The following DMXL1 variants were observed in gnomAD, a reference collection of about 807,000 sequenced individuals.
DMXL1 encodes Dmx like 1.
A neutral mutation model predicts 319.2 loss-of-function variants in DMXL1; 99 were observed. The observed-to-expected ratio is 0.31, with a 90% CI of 0.26 to 0.37. DMXL1 has a LOEUF of 0.37. Among genes scored for constraint, DMXL1 ranks in the 10% least tolerant of loss-of-function variants. The pLI, the probability that DMXL1 is intolerant of heterozygous loss-of-function variation, is 1.00. For missense variants in DMXL1, 3,745 were observed against 3,595.6 expected (o/e 1.04, Z -1.06); for synonymous variants, 1,385 against 1,235.2 (o/e 1.12, Z -2.54).
At chr5:119,142,675 C>G (rs1767665105) in intron 13 of DMXL1, among the ~76,000 whole-genome samples, 1 of 152,050 alleles carries the variant, frequency 6.6e-6, no homozygotes, top group African/African-American at 2.4e-5. Flanking sequence ...ACCCAGCAAT[C>G]CCATTACTGG....
At chr5:119,200,949 C>T (rs2150437608) in intron 32 of DMXL1, among the ~76,000 whole-genome samples, 1 of 152,240 alleles carries the variant, frequency 6.6e-6, no homozygotes, top group South Asian at 2.1e-4. Flanking sequence ...AGTTGTTTAT[C>T]AGATCTAGGA....
chr5:119,124,304 C>T (rs550994524), intron 9 of DMXL1, among the ~76,000 whole-genome samples: 2 of 144,556 alleles, frequency 1.4e-5, no homozygotes, highest in South Asian at 2.2e-4. Context: ...GGTGGCAGAG[C>T]GAGACTCCAT....
chr5:119,129,064 C>T, intron 9 of DMXL1, 147 bp from the exon 10 acceptor site: 7 of 612,284 alleles, frequency 1.1e-5, no homozygotes, highest in Middle Eastern at 4.5e-4. Flanking sequence ...CTCAAAAAAA[C>T]AAAATCTCAA....
In DMXL1 at chr5:119,164,078, C is replaced by T. The variant is rs139683826; in HGVS notation, c.4703-429C>T. Among the ~76,000 whole-genome samples the T allele has an allele frequency of 5.0e-3, 756 of 151,960 alleles. 7 individuals are homozygous for T. The highest frequency in any genetic ancestry group is 8.0e-3 in the Non-Finnish European group (541 of 67,982). On this transcript the variant is annotated intron_variant, in intron 19 of 43. Transcript: ENST00000539542. Reference sequence around the variant, plus strand: ...GCAGTGCTATTCCTAATTCATCAACCTGAACTGCTTGCTTGATGTTTTTTT... The same window carrying T: ...GCAGTGCTATTCCTAATTCATCAACTTGAACTGCTTGCTTGATGTTTTTTT...
chr5:119,175,742 G>T (rs1328617346), intron 26 of DMXL1, among the ~76,000 whole-genome samples: 2 of 152,040 alleles, frequency 1.3e-5, no homozygotes, highest in Non-Finnish European at 2.9e-5. Flanking sequence ...AAGGCTCAGG[G>T]ACCACATGGG....
rs547134601 is a variant in DMXL1 at position 119,109,868 on chromosome 5, A to G, written c.365-283A>G. On this transcript the variant is annotated intron_variant, in intron 4 of 43. Coordinates refer to ENST00000539542, the MANE Select transcript of DMXL1 (RefSeq NM_001290321.3). ...CTGCTGAAATATGAACTCATGAAAAACGACAATGTTTTGTTTGTCATTGTA... is the reference window on the plus strand; with the variant it reads ...CTGCTGAAATATGAACTCATGAAAAGCGACAATGTTTTGTTTGTCATTGTA... 2.0e-5 allele frequency among the ~76,000 whole-genome samples: 3 copies of G among 152,232 alleles called. No individual in the cohort carries two copies. In the East Asian group the frequency reaches 5.8e-4, roughly 29 times the overall value.
rs757695568 is a variant in DMXL1 at position 119,167,800 on chromosome 5, G to C, written c.5334G>C (p.Trp1778Cys). 2 of 1,613,580 alleles carry C rather than the reference G, an allele frequency of 1.2e-6. No homozygotes were observed. Among genetic ancestry groups the C allele is most frequent in the South Asian group, 1.1e-5 (1 of 91,036 alleles). Residue 1778 changes from tryptophan (W) to cysteine (C), a missense_variant, in exon 23 of 44, where the codon TGG becomes TGC. Coordinates refer to ENST00000539542, the MANE Select transcript of DMXL1 (RefSeq NM_001290321.3). ...CTTTTCTTCGGAGCATGGCATATTG[G>C]ATTTTGGAAGATTATAGTGGTGCTC... ...HDPFLRSMAY[W>C]ILEDYSGALE...
chr5:119,118,730 T>G, intron 7 of DMXL1, 85 bp from the exon 8 acceptor site: 3 of 1,041,712 alleles, frequency 2.9e-6, no homozygotes, highest in Non-Finnish European at 4.2e-6. Context: ...GTTGGTACAT[T>G]TAAGTAATTA....
chr5:119,242,693 A>G lies in DMXL1; in HGVS notation c.8705-1666A>G, dbSNP rs185967416. Among the ~76,000 whole-genome samples the G allele has an allele frequency of 4.0e-3, 614 of 152,304 alleles. 3 individuals carry two copies. Among genetic ancestry groups the G allele is most frequent in the Middle Eastern group, 0.017 (5 of 294 alleles). On this transcript the variant is annotated intron_variant, in intron 42 of 43. Transcript: ENST00000539542. ...ACACTTGTGGGACTCACATTATACT[A>G]TCTGATTTCAACACTTATAAGCTAC...
At chr5:119,116,967 A>T (rs76148518) in intron 7 of DMXL1, among the ~76,000 whole-genome samples, 1 of 151,954 alleles carries the variant, frequency 6.6e-6, no homozygotes, top group African/African-American at 2.4e-5. Flanking sequence ...TTAGTAGGTT[A>T]TAGAGACCTA....
At chr5:119,079,646 G>T (rs945496019) in intron 1 of DMXL1, among the ~76,000 whole-genome samples, 5 of 151,878 alleles carry the variant, frequency 3.3e-5, no homozygotes, top group Non-Finnish European at 5.9e-5. Flanking sequence ...TGAATCAACA[G>T]ATCTCCTTTG....
intron 1 of DMXL1, among the ~76,000 whole-genome samples, chr5:119,096,419 G>A (rs544474268): frequency 1.1e-4 from 17 of 152,106 alleles, no homozygotes; most frequent in African/African-American, 3.1e-4. Context: ...CAGGTGATCC[G>A]CCTGCCTCAG....
rs771596172 is a variant in DMXL1 at position 119,167,585 on chromosome 5, CAA to C, written c.5137-17_5137-16del. ...AAACCTGCTCCTGCTTATTTAAAAA[CAA>C]TATTTTTTTTTAAAGGTATGTCTTG... is the stretch of plus-strand genomic sequence containing the variant. On this transcript the variant is annotated splice_polypyrimidine_tract_variant and intron_variant, in intron 22 of 43. Coordinates refer to ENST00000539542, the MANE Select transcript of DMXL1 (RefSeq NM_001290321.3). 3.9e-6 allele frequency: 6 copies of C among 1,535,694 alleles called. No homozygotes were observed. The highest frequency in any genetic ancestry group is 3.8e-5 in the South Asian group (3 of 79,718).
chr5:119,125,128 CTTCTT>C (rs1763232935), intron 9 of DMXL1, among the ~76,000 whole-genome samples: 1 of 152,138 alleles, frequency 6.6e-6, no homozygotes, highest in Non-Finnish European at 1.5e-5. Flanking sequence ...TGTTGGAAGT[CTTCTT>C]TTACATCACA....
At chr5:119,128,231 G>A (rs2150015601) in intron 9 of DMXL1, 1 of 368,140 alleles carries the variant, frequency 2.7e-6, no homozygotes, top group Middle Eastern at 1.1e-3. Flanking sequence ...GGAGAATACA[G>A]AGTGAAGAAT....
chr5:119,235,420 A>C (rs1002258703), intron 39 of DMXL1, among the ~76,000 whole-genome samples: 1 of 152,176 alleles, frequency 6.6e-6, no homozygotes, highest in African/African-American at 2.4e-5. Context: ...TTATTAGAAA[A>C]GCTGAACAGC....
chr5:119,104,531 G>A (rs547741182), intron 3 of DMXL1, among the ~76,000 whole-genome samples: 2 of 152,260 alleles, frequency 1.3e-5, no homozygotes, highest in East Asian at 3.9e-4. Flanking sequence ...CTGTAATTGG[G>A]CTGTGAACTC....
chr5:119,110,540 T>G (rs755604297), intron 5 of DMXL1, among the ~76,000 whole-genome samples: 1 of 152,196 alleles, frequency 6.6e-6, no homozygotes, highest in Non-Finnish European at 1.5e-5. Context: ...CTTGCCAAAT[T>G]ATATGAAAAG....
intron 38 of DMXL1, among the ~76,000 whole-genome samples, chr5:119,225,775 A>C (rs1295840269): frequency 6.6e-6 from 1 of 152,134 alleles, no homozygotes; most frequent in Non-Finnish European, 1.5e-5. Flanking sequence ...TAATATAAAA[A>C]ATTTGTCTGT....
Sources: gnomAD v4.1 joint callset for allele counts (sites outside exome capture counted in the v4.1 genomes callset) on GRCh38, gnomAD v4.1.1 for gene constraint, MANE v1.5 for transcripts, NCBI Gene and HGNC (gene_info 2026-07-23, HGNC 2026-07-21) for gene names.